Variants in CNN3 observed in about 807,000 individuals in gnomAD.
The protein encoded by CNN3 is calponin-3.
A neutral mutation model predicts 39.0 loss-of-function variants in CNN3; 11 were observed. The ratio of observed to expected loss-of-function variants is 0.28; its 90% confidence interval spans 0.18 to 0.47. The LOEUF (loss-of-function observed/expected upper bound fraction) is 0.47. Ranked by LOEUF, CNN3 falls within the 20% of genes least tolerant of loss-of-function variation. The probability of loss-of-function intolerance (pLI) is 0.99; values close to 1 mark genes in which losing one functional copy is unlikely to be tolerated. For synonymous variants in CNN3, 101 were observed against 138.3 expected (o/e 0.73, Z 1.89); for missense variants, 266 against 403.4 (o/e 0.66, Z 2.92).
chr1:94,918,377 C>T (rs1264017994), intron 1 of CNN3, among the ~76,000 whole-genome samples: 1 of 151,590 alleles, frequency 6.6e-6, no homozygotes, highest in African/African-American at 2.4e-5. Context: ...GCCTGTAGTC[C>T]CAGCTATTCA....
At chr1:94,917,953 T>A (rs1278636114) in intron 1 of CNN3, among the ~76,000 whole-genome samples, 1 of 152,234 alleles carries the variant, frequency 6.6e-6, no homozygotes, top group Middle Eastern at 3.4e-3. Flanking sequence ...TGACTCCAAG[T>A]CTAAGTCTTT....
chr1:94,924,285 A>AT (rs1343325182), intron 1 of CNN3: 3 of 152,284 alleles, frequency 2.0e-5, no homozygotes, highest in African/African-American at 7.2e-5. Context: ...ACAGTATGAC[A>AT]TAAATAATCA....
intron 1 of CNN3, among the ~76,000 whole-genome samples, chr1:94,917,432 C>T (rs557883923): frequency 4.6e-5 from 7 of 152,206 alleles, no homozygotes; most frequent in South Asian, 2.1e-4. Context: ...CTGCTGGGGA[C>T]GAGGGATGGA....
chr1:94,903,030 A>C (rs535608621), intron 3 of CNN3, 92 bp downstream of exon 3: 155 of 967,738 alleles, frequency 1.6e-4, no homozygotes, highest in Non-Finnish European at 2.1e-4. Context: ...AAAAAAAAAA[A>C]AACACAAAAC....
At chr1:94,925,864 T>A (rs538489919) in intron 1 of CNN3, 2 of 975,306 alleles carry the variant, frequency 2.1e-6, no homozygotes, top group East Asian at 1.1e-4. Context: ...CCGCGCCGAT[T>A]GGCTGGTCTC....
At chr1:94,904,615 T>C (rs1422542310) in intron 1 of CNN3, among the ~76,000 whole-genome samples, 5 of 152,046 alleles carry the variant, frequency 3.3e-5, no homozygotes, top group Non-Finnish European at 7.4e-5. Flanking sequence ...GGCTTGACGA[T>C]GCATGCCTGT....
chr1:94,904,797 G>T (rs1670955097), intron 1 of CNN3, among the ~76,000 whole-genome samples: 1 of 151,952 alleles, frequency 6.6e-6, no homozygotes, highest in Non-Finnish European at 1.5e-5. Flanking sequence ...GAAAGATCCA[G>T]TATCATTTGT....
chr1:94,920,824 T>C (rs1340194120), intron 1 of CNN3, among the ~76,000 whole-genome samples: 3 of 152,184 alleles, frequency 2.0e-5, no homozygotes, highest in African/African-American at 4.8e-5. Context: ...GATATTTATA[T>C]ATTTTTCATA....
At chr1:94,921,578 A>G (rs1424057445) in intron 1 of CNN3, among the ~76,000 whole-genome samples, 1 of 152,066 alleles carries the variant, frequency 6.6e-6, no homozygotes, top group African/African-American at 2.4e-5. Flanking sequence ...ACTAACCCTC[A>G]TGTCCCAACC....
chr1:94,923,908 G>T (rs183339334), intron 1 of CNN3, among the ~76,000 whole-genome samples: 7 of 152,260 alleles, frequency 4.6e-5, no homozygotes, highest in Admixed American at 4.6e-4. Context: ...CAGAACAGAA[G>T]CTAGGAGAGA....
chr1:94,926,808 GGCCCC>G lies in CNN3; in HGVS notation c.57+25_57+29del, dbSNP rs1671596304. On this transcript the variant is annotated intron_variant, in intron 1 of 6. Transcript: ENST00000370206. This position sits in a 1 kb window ranked among gnomAD's most constrained non-coding sequence, Gnocchi z 4.2. ...CAGGCCAGCCCAAGGGTGCCCCGGG[GGCCCC>G]CGCGCCCGCCCGAGCCAGGCGTACC... The G allele has an allele frequency of 6.2e-7, 1 of 1,604,112 alleles. No individual in the cohort carries two copies. The highest frequency in any genetic ancestry group is 8.5e-7 in the Non-Finnish European group (1 of 1,175,390).
chr1:94,926,768 A>C lies in CNN3; in HGVS notation c.57+70T>G. On this transcript the variant is annotated intron_variant, in intron 1 of 6. Coordinates refer to ENST00000370206, the MANE Select transcript of CNN3 (RefSeq NM_001839.5). The surrounding 1 kb of genome is among the most constrained non-coding windows in gnomAD (Gnocchi z 4.2). ...GAGCCACAGCGCGAAGAGCAAACGA[A>C]GCACGGCCCAGCGCCAGGCCAGCCC... 1 of 1,511,270 alleles carries C rather than the reference A, an allele frequency of 6.6e-7. No individual in the cohort carries two copies. The highest frequency in any genetic ancestry group is 9.1e-7 in the Non-Finnish European group (1 of 1,104,108). The allele number at this position is 1,511,270 out of a possible 1,614,324, so 93.6% of individuals were successfully genotyped here.
chr1:94,901,823 A>G (rs955773236), intron 4 of CNN3, 38 bp from the exon 5 acceptor site: 1 of 1,390,460 alleles, frequency 7.2e-7, no homozygotes, highest in African/African-American at 1.4e-5. Flanking sequence ...AAAGGCCAAC[A>G]GAGTTTCACA....
At chr1:94,915,688 G>A (rs1671262411) in intron 1 of CNN3, among the ~76,000 whole-genome samples, 2 of 152,084 alleles carry the variant, frequency 1.3e-5, no homozygotes, top group South Asian at 2.1e-4. Flanking sequence ...CCAGATCAAG[G>A]GCCAATGGAA....
Position 94,926,833 on chromosome 1 carries a change from C to G in CNN3, c.57+5G>C. 6.2e-7 allele frequency: 1 copy of G among 1,611,406 alleles called. No homozygotes were observed. Among genetic ancestry groups the G allele is most frequent in the Middle Eastern group, 1.7e-4 (1 of 6,048 alleles). ...GGCCCCCGCGCCCGCCCGAGCCAGG[C>G]GTACCTTGTTCTTGACTTCGGCCGA... is the stretch of plus-strand genomic sequence containing the variant. On this transcript the variant is annotated splice_donor_5th_base_variant and intron_variant, in intron 1 of 6. Transcript: ENST00000370206. This position sits in a 1 kb window ranked among gnomAD's most constrained non-coding sequence, Gnocchi z 4.2.
At chr1:94,913,045 G>A (rs1314125320) in intron 1 of CNN3, among the ~76,000 whole-genome samples, 1 of 152,056 alleles carries the variant, frequency 6.6e-6, no homozygotes, top group Non-Finnish European at 1.5e-5. Context: ...AAACTACTTG[G>A]CATACTTATT....
chr1:94,906,361 T>C lies in CNN3; in HGVS notation c.58-2837A>G, dbSNP rs569562733. Among the ~76,000 whole-genome samples, 20 of 152,168 alleles carry C rather than the reference T, an allele frequency of 1.3e-4. No individual in the cohort carries two copies. The South Asian group carries it at 3.5e-3, about 27-fold the overall frequency. ...TGCCTAGAAAAATAAATTCTCACTA[T>C]ATAAACTGGAGGTGGTGGTATGAAA... On this transcript the variant is annotated intron_variant, in intron 1 of 6. Transcript: ENST00000370206.
At chr1:94,907,160 A>G (rs1671023294) in intron 1 of CNN3, among the ~76,000 whole-genome samples, 1 of 152,212 alleles carries the variant, frequency 6.6e-6, no homozygotes, top group South Asian at 2.1e-4. Context: ...CGTATGTACA[A>G]GCATGCAAAA....
At chr1:94,919,143 T>C (rs1671375537) in intron 1 of CNN3, among the ~76,000 whole-genome samples, 1 of 151,986 alleles carries the variant, frequency 6.6e-6, no homozygotes, top group African/African-American at 2.4e-5. Context: ...CAAGGAGAGG[T>C]AGGGATGGGG....
Sources: gnomAD v4.1 joint callset for allele counts (sites outside exome capture counted in the v4.1 genomes callset) on GRCh38, gnomAD v4.1.1 for gene constraint, Gnocchi (gnomAD v3.1) non-coding constraint, MANE v1.5 for transcripts, NCBI Gene and HGNC (gene_info 2026-07-23, HGNC 2026-07-21) for gene names.